The following CLDN20 variants were observed in gnomAD, a reference collection of about 807,000 sequenced individuals.
The protein encoded by CLDN20 is claudin-20.
For missense variants in CLDN20, 258 were observed against 267.9 expected, an observed-to-expected ratio of 0.96 and a Z score of 0.26; for synonymous variants, 104 against 103.6, an observed-to-expected ratio of 1.00 and a Z score of -0.03.
At chr6:155,267,135 C>T (rs1027400003) in intron 1 of CLDN20, among the ~76,000 whole-genome samples, 8 of 151,804 alleles carry the variant, frequency 5.3e-5, no homozygotes, top group Middle Eastern at 3.2e-3. Flanking sequence ...GCACCACACC[C>T]GGCCAATTTT....
intron 1 of CLDN20, among the ~76,000 whole-genome samples, chr6:155,274,255 C>A (rs189495536): frequency 6.6e-6 from 1 of 152,272 alleles, no homozygotes; most frequent in East Asian, 1.9e-4. Context: ...GTCAGTACTG[C>A]AGTATTTCAG....
chr6:155,273,944 C>T (rs1785054965), intron 1 of CLDN20, among the ~76,000 whole-genome samples: 1 of 152,138 alleles, frequency 6.6e-6, no homozygotes, highest in African/African-American at 2.4e-5. Context: ...TCAATTGTCA[C>T]AATACATAAG....
At chr6:155,275,478 C>T (rs896514420) in intron 1 of CLDN20, 138 bp from the exon 2 acceptor site, 3 of 461,316 alleles carry the variant, frequency 6.5e-6, no homozygotes, top group Non-Finnish European at 1.2e-5. Flanking sequence ...CTTTTCTCCT[C>T]CAGCCTACAG....
Position 155,276,169 on chromosome 6 carries a change from G to C in CLDN20, c.450G>C (p.Leu150=), listed in dbSNP as rs1173330809. The change falls in exon 2 of 2, where the codon CTG becomes CTC. Residue 150 remains leucine (L), a synonymous_variant. Coordinates refer to ENST00000367165, the MANE Select transcript of CLDN20 (RefSeq NM_001001346.3). ...TKEIIANFLD[L]TVPESNKHEP... ...AGATCATAGCAAACTTTCTGGATCT[G>C]ACAGTTCCAGAAAGCAACAAACATG... is the stretch of plus-strand genomic sequence containing the variant. 6.2e-7 allele frequency: 1 copy of C among 1,614,130 alleles called. No individual in the cohort carries two copies.
rs2985700 is a variant in CLDN20 at position 155,264,144 on chromosome 6, C to G, written c.-249C>G. ...GGGCTTGGGAGAGCCACTTCACTGT[C>G]GGGTAAAACAACGGAGCAAGATGAG... On this transcript the variant is annotated 5_prime_UTR_variant, in exon 1 of 2. Coordinates refer to ENST00000367165, the MANE Select transcript of CLDN20 (RefSeq NM_001001346.3). The G allele has an allele frequency of 6.6e-6, 1 of 151,874 alleles. No individual in the cohort carries two copies. The highest frequency in any genetic ancestry group is 1.5e-5 in the Non-Finnish European group (1 of 67,976). 9.4% of individuals were successfully genotyped at this position (151,874 alleles called of 1,614,324 possible).
At chr6:155,272,477 G>A (rs565315152) in intron 1 of CLDN20, among the ~76,000 whole-genome samples, 4 of 151,634 alleles carry the variant, frequency 2.6e-5, no homozygotes, top group South Asian at 2.1e-4. Flanking sequence ...GTTTACATGC[G>A]ACCCCTCCCC....
intron 1 of CLDN20, among the ~76,000 whole-genome samples, chr6:155,273,749 G>A (rs1212816654): frequency 6.6e-6 from 1 of 152,164 alleles, no homozygotes; most frequent in African/African-American, 2.4e-5. Flanking sequence ...AGATCTGGAC[G>A]CTGCAGGTTG....
rs34434986 is a variant in CLDN20 at position 155,276,000 on chromosome 6, G to A, written c.281G>A (p.Gly94Glu). The change falls in exon 2 of 2, where the codon GGG (glycine) becomes GAG (glutamate). Residue 94 changes from glycine to glutamate, a missense_variant. By Grantham distance (98) the Gly-to-Glu change is moderately conservative. Coordinates refer to ENST00000367165, the MANE Select transcript of CLDN20 (RefSeq NM_001001346.3). ...CTGGCGTGTGTTCTGTCTGCTTTGG[G>A]GATCTGCACTTCCACAGTAGGAATG... is the stretch of plus-strand genomic sequence containing the variant. ...MVLACVLSAL[G>E]ICTSTVGMKC... 0.014 allele frequency: 22,454 copies of A among 1,614,132 alleles called. 274 individuals carry two copies. Among genetic ancestry groups the A allele is most frequent in the Non-Finnish European group, 0.015 (17,222 of 1,180,022 alleles).
chr6:155,270,703 G>T (rs1460310213), intron 1 of CLDN20, among the ~76,000 whole-genome samples: 1 of 152,128 alleles, frequency 6.6e-6, no homozygotes, highest in Non-Finnish European at 1.5e-5. Context: ...GAGCAGCCGG[G>T]TCCCTCCATC....
intron 1 of CLDN20, among the ~76,000 whole-genome samples, chr6:155,271,380 G>T (rs1005243669): frequency 6.6e-6 from 1 of 152,042 alleles, no homozygotes; most frequent in African/African-American, 2.4e-5. Context: ...ATCATTTTGG[G>T]TAATTTATTC....
intron 1 of CLDN20, among the ~76,000 whole-genome samples, chr6:155,267,941 T>C (rs1784737975): frequency 2.0e-5 from 3 of 152,238 alleles, no homozygotes. Context: ...GATTTTTCTG[T>C]AATTTGTCCA....
At chr6:155,274,988 G>T (rs934155103) in intron 1 of CLDN20, among the ~76,000 whole-genome samples, 2 of 152,188 alleles carry the variant, frequency 1.3e-5, no homozygotes, top group African/African-American at 4.8e-5. Flanking sequence ...GGAGGCCGAG[G>T]TGGGCGGATC....
intron 1 of CLDN20, among the ~76,000 whole-genome samples, chr6:155,269,324 C>CTTTTCTTTT (rs532919388): frequency 6.3e-5 from 8 of 127,270 alleles, no homozygotes; most frequent in Non-Finnish European, 9.6e-5. Flanking sequence ...CTTTTCTTTT[C>CTTTTCTTTT]TTTTTTTTTT....
At chr6:155,274,297 A>T (rs1785070873) in intron 1 of CLDN20, among the ~76,000 whole-genome samples, 1 of 152,246 alleles carries the variant, frequency 6.6e-6, no homozygotes, top group African/African-American at 2.4e-5. Context: ...ATAAGGCAGT[A>T]AGCAGTGCCA....
intron 1 of CLDN20, among the ~76,000 whole-genome samples, chr6:155,272,250 G>A (rs1029253803): frequency 1.3e-5 from 2 of 152,010 alleles, no homozygotes; most frequent in African/African-American, 2.4e-5. Context: ...TAGGTCTTTC[G>A]GTATTATTTA....
In CLDN20 at chr6:155,276,324, T is replaced by C. The variant is rs764654841; in HGVS notation, c.605T>C (p.Ile202Thr). ...ARLDPPTQQP[I>T]SNTQLENNST... is the part of the protein sequence containing the mutation. ...CTCGACCCACCCACACAGCAGCCTA[T>C]CTCTAACACACAGCTCGAGAACAAT... The change falls in exon 2 of 2, where the codon ATC (isoleucine) becomes ACC (threonine). Residue 202 changes from isoleucine to threonine, a missense_variant. Transcript: ENST00000367165. 6.2e-6 allele frequency: 10 copies of C among 1,613,550 alleles called. No individual in the cohort carries two copies. Among genetic ancestry groups the C allele is most frequent in the Admixed American group, 1.7e-5 (1 of 59,998 alleles).
intron 1 of CLDN20, among the ~76,000 whole-genome samples, chr6:155,265,929 G>A (rs1442059224): frequency 6.6e-6 from 1 of 151,818 alleles, no homozygotes; most frequent in African/African-American, 2.4e-5. Context: ...TTGAGGATAG[G>A]AAGCATCCAG....
At chr6:155,265,102 C>T (rs895087476) in intron 1 of CLDN20, among the ~76,000 whole-genome samples, 5 of 152,360 alleles carry the variant, frequency 3.3e-5, no homozygotes, top group East Asian at 1.9e-4. Context: ...AGCATCTGGA[C>T]GTGCCCTGTG....
chr6:155,273,317 T>G (rs775536078), intron 1 of CLDN20, among the ~76,000 whole-genome samples: 6 of 152,230 alleles, frequency 3.9e-5, no homozygotes, highest in African/African-American at 1.4e-4. Flanking sequence ...GAAATCCTTT[T>G]CTAAAATGGT....
Sources: gnomAD v4.1 joint callset for allele counts (sites outside exome capture counted in the v4.1 genomes callset) on GRCh38, gnomAD v4.1.1 for gene constraint, MANE v1.5 for transcripts, NCBI Gene and HGNC (gene_info 2026-07-23, HGNC 2026-07-21) for gene names.